Variants in HEXD observed in about 807,000 individuals in gnomAD.
HEXD encodes hexosaminidase D.
A neutral mutation model predicts 54.2 loss-of-function variants in HEXD; 47 were observed. The observed-to-expected ratio is 0.87, with a 90% CI of 0.69 to 1.11. HEXD has a LOEUF of 1.11. Ranked by LOEUF, HEXD falls within the 50% of genes least tolerant of loss-of-function variation. HEXD has a pLI of 0.00. For missense variants in HEXD, 576 were observed against 649.2 expected (o/e 0.89, Z 1.23); for synonymous variants, 293 against 287.6 (o/e 1.02, Z -0.19).
Position 82,418,387 on chromosome 17 carries a change from G to A in HEXD, c.-405G>A. 1.4e-6 allele frequency: 2 copies of A among 1,442,912 alleles called. No homozygotes were observed. The highest frequency in any genetic ancestry group is 1.8e-6 in the Non-Finnish European group (2 of 1,093,468). 89.4% of individuals were successfully genotyped at this position (1,442,912 alleles called of 1,614,324 possible). ...ATGGCCCTGTCCGCCGCCGCAGCGC[G>A]CGCCCTTCCCCTCCTCACCGCTACC... On this transcript the variant is annotated 5_prime_UTR_variant, in exon 1 of 13. Transcript: ENST00000327949.
In HEXD at chr17:82,442,054, C is replaced by T. The variant is rs1049034253; in HGVS notation, c.1254-123C>T. On this transcript the variant is annotated intron_variant, in intron 12 of 12. Coordinates refer to ENST00000327949, the MANE Select transcript of HEXD (RefSeq NM_001330542.2). This position sits in a 1 kb window ranked among gnomAD's most constrained non-coding sequence, Gnocchi z 6.8. Reference sequence around the variant, plus strand: ...CACCGACTTGTTCCTCCCGACATGCCGATGAGGTAGGGTCAGTAGCCCCAT... The same window carrying T: ...CACCGACTTGTTCCTCCCGACATGCTGATGAGGTAGGGTCAGTAGCCCCAT... 1.2e-5 allele frequency: 16 copies of T among 1,360,280 alleles called. No homozygotes were observed. The African/African-American group carries it at 1.4e-4, about 12-fold the overall frequency. 84.3% of individuals were successfully genotyped at this position (1,360,280 alleles called of 1,614,324 possible).
rs1249623719 is a variant in HEXD, at chr17:82,420,950, C to T, written c.84+1067C>T. Among the ~76,000 whole-genome samples, 3 of 152,130 alleles carry T rather than the reference C, an allele frequency of 2.0e-5. No individual in the cohort carries two copies. The East Asian group carries it at 5.8e-4, about 29-fold the overall frequency. On this transcript the variant is annotated intron_variant, in intron 2 of 12. Transcript: ENST00000327949. Reference sequence around the variant, plus strand: ...ACAAAATTAGGTATCAGGGTGTCCCCATGGATCCCAAACTACAAGTGGGTG... The same window carrying T: ...ACAAAATTAGGTATCAGGGTGTCCCTATGGATCCCAAACTACAAGTGGGTG...
At chr17:82,425,422 G>T (rs532476191) in intron 3 of HEXD, 17 of 165,084 alleles carry the variant, frequency 1.0e-4, no homozygotes, top group Non-Finnish European at 1.8e-4. Flanking sequence ...GCTGGAGGAT[G>T]CTGGAGGAGG....
At position 82,442,471 on chromosome 17, in the gene HEXD, G is replaced by A; in HGVS notation, c.*87G>A. On this transcript the variant is annotated 3_prime_UTR_variant, in exon 13 of 13. Coordinates refer to ENST00000327949, the MANE Select transcript of HEXD (RefSeq NM_001330542.2). This position sits in a 1 kb window ranked among gnomAD's most constrained non-coding sequence, Gnocchi z 6.8. ...GCCTGGGCAATACGGGCCCACGTGGGCGTCGTGCCCTCTGGCCCAGCAGTG... is the reference window on the plus strand; with the variant it reads ...GCCTGGGCAATACGGGCCCACGTGGACGTCGTGCCCTCTGGCCCAGCAGTG... The A allele has an allele frequency of 6.2e-7, 1 of 1,606,966 alleles. No homozygotes were observed. Among genetic ancestry groups the A allele is most frequent in the Non-Finnish European group, 8.5e-7 (1 of 1,174,880 alleles).
chr17:82,436,296 G>A (rs895708450), intron 6 of HEXD, among the ~76,000 whole-genome samples: 2 of 152,236 alleles, frequency 1.3e-5, no homozygotes, highest in Non-Finnish European at 2.9e-5. Context: ...ACAGAGCCCC[G>A]AGGCTCAGTG....
intron 2 of HEXD, 98 bp downstream of exon 2, chr17:82,419,981 C>A: frequency 1.6e-6 from 1 of 606,508 alleles, no homozygotes; most frequent in South Asian, 2.6e-5. Context: ...ACCTAGAACA[C>A]AACCACAAGG....
chr17:82,423,989 C>G (rs549679972), intron 2 of HEXD, among the ~76,000 whole-genome samples: 1 of 151,874 alleles, frequency 6.6e-6, no homozygotes, highest in South Asian at 2.1e-4. Flanking sequence ...CCTGCCCCGT[C>G]CCCCATGCCT....
At chr17:82,431,786 TGAGAGTC>T (rs1370172300) in intron 4 of HEXD, among the ~76,000 whole-genome samples, 1 of 152,200 alleles carries the variant, frequency 6.6e-6, no homozygotes, top group Non-Finnish European at 1.5e-5. Flanking sequence ...ATGTGGGCCC[TGAGAGTC>T]AGAGTCTGTG....
chr17:82,435,780 C>T lies in HEXD; in HGVS notation c.539C>T (p.Ala180Val), dbSNP rs527677636. ...TGKLCLSHMRAVASGVKARRP... is the reference protein window; with the variant it reads ...TGKLCLSHMRVVASGVKARRP... ...AAGTTGTGCCTGTCACACATGCGGG[C>T]GGTGGCCAGCGGCGTGAAGGCCCGG... Residue 180 changes from alanine (A) to valine (V), a missense_variant, in exon 6 of 13, where the codon GCG becomes GTG. By Grantham distance (64) the Ala-to-Val change is moderately conservative. Coordinates refer to ENST00000327949, the MANE Select transcript of HEXD (RefSeq NM_001330542.2). 40 of 1,612,870 alleles carry T rather than the reference C, an allele frequency of 2.5e-5. No individual in the cohort carries two copies. In the East Asian group the frequency reaches 2.7e-4, roughly 11 times the overall value.
intron 4 of HEXD, among the ~76,000 whole-genome samples, chr17:82,429,658 C>G (rs1186172628): frequency 6.6e-6 from 1 of 152,300 alleles, no homozygotes; most frequent in Non-Finnish European, 1.5e-5. Context: ...TCGGTAGCTT[C>G]TGGCATCCCC....
intron 6 of HEXD, 40 bp downstream of exon 6, chr17:82,435,912 C>G (rs1386036920): frequency 6.4e-7 from 1 of 1,569,830 alleles, no homozygotes; most frequent in Non-Finnish European, 8.6e-7. Flanking sequence ...GGCCACTGAA[C>G]TGCCCAAGAC....
At chr17:82,424,759 G>A (rs1266011567) in intron 3 of HEXD, among the ~76,000 whole-genome samples, 1 of 152,268 alleles carries the variant, frequency 6.6e-6, no homozygotes, top group Non-Finnish European at 1.5e-5. Flanking sequence ...CCCCTACAGG[G>A]AAGAGCTGCA....
At chr17:82,432,874 T>G (rs147390785) in intron 4 of HEXD, among the ~76,000 whole-genome samples, 14 of 146,594 alleles carry the variant, frequency 9.6e-5, no homozygotes, top group Non-Finnish European at 2.0e-4. Flanking sequence ...CCATCCTGGC[T>G]AACACGGTGA....
intron 9 of HEXD, chr17:82,440,230 C>T (rs373435327): frequency 8.5e-5 from 110 of 1,289,006 alleles, no homozygotes; most frequent in Middle Eastern, 4.6e-4. Context: ...GCAGGCCACA[C>T]GGGAAATTAG....
intron 4 of HEXD, among the ~76,000 whole-genome samples, chr17:82,432,876 A>ATG (rs2053616290): frequency 2.0e-5 from 3 of 147,408 alleles, no homozygotes; most frequent in Non-Finnish European, 3.0e-5. Flanking sequence ...ATCCTGGCTA[A>ATG]CACGGTGAAA....
intron 8 of HEXD, among the ~76,000 whole-genome samples, chr17:82,438,344 C>T (rs1462702823): frequency 2.6e-5 from 4 of 152,194 alleles, no homozygotes; most frequent in African/African-American, 4.8e-5. Flanking sequence ...CACATGCTGT[C>T]GTGGGTGTGG....
intron 1 of HEXD, among the ~76,000 whole-genome samples, chr17:82,419,000 C>T (rs1407325068): frequency 6.6e-6 from 1 of 152,234 alleles, no homozygotes; most frequent in Admixed American, 6.5e-5. Flanking sequence ...AGCCTCCGAA[C>T]CCCTGCACGG....
rs1021155156 is a variant in HEXD, at chr17:82,419,852, G to A, written c.53G>A (p.Gly18Glu). ...QMRLVHLDLK[G>E]APPKVSYLSE... ...AGATTAGTTCATTTAGACCTTAAAG[G>A]AGCTCCACCAAAGGTCTCGTACCTC... Residue 18 changes from glycine to glutamate, a missense_variant, in exon 2 of 13, where the codon GGA becomes GAA. Physicochemically the swap from Gly to Glu is moderately conservative, Grantham distance 98. Transcript: ENST00000327949. 6.2e-6 allele frequency: 10 copies of A among 1,611,818 alleles called. No individual in the cohort carries two copies. In the African/African-American group the frequency reaches 1.3e-4, roughly 22 times the overall value.
intron 8 of HEXD, 29 bp from the exon 9 acceptor site, chr17:82,439,602 G>C: frequency 6.6e-7 from 1 of 1,515,106 alleles, no homozygotes. Context: ...GGCGGGCTGC[G>C]GAGCTAAGCG....
Sources: gnomAD v4.1 joint callset for allele counts (sites outside exome capture counted in the v4.1 genomes callset) on GRCh38, gnomAD v4.1.1 for gene constraint, Gnocchi (gnomAD v3.1) non-coding constraint, MANE v1.5 for transcripts, NCBI Gene and HGNC (gene_info 2026-07-23, HGNC 2026-07-21) for gene names.